MDGA2: variants seen among roughly 807,000 people sequenced by gnomAD.
The protein encoded by MDGA2 is MAM domain containing glycosylphosphatidylinositol anchor 2.
MDGA2 carries 40 observed loss-of-function variants against 117.8 expected under a neutral mutation model. The ratio of observed to expected loss-of-function variants is 0.34; its 90% CI spans 0.26 to 0.44. The LOEUF is 0.44. MDGA2 is among the 20% of genes least tolerant of loss of function. MDGA2 has a pLI of 1.00. For missense variants in MDGA2, 1,123 were observed against 1,250.6 expected (o/e 0.90, Z 1.54); for synonymous variants, 452 against 439.0 (o/e 1.03, Z -0.37).
chr14:47,211,484 C>A (rs1157060357), intron 3 of MDGA2, among the ~76,000 whole-genome samples: 1 of 152,086 alleles, frequency 6.6e-6, no homozygotes, highest in Non-Finnish European at 1.5e-5. Context: ...GCCAGGCACA[C>A]CATTGGTTTT....
intron 3 of MDGA2, among the ~76,000 whole-genome samples, chr14:47,157,686 G>A (rs1292668143): frequency 2.0e-5 from 3 of 149,844 alleles, no homozygotes; most frequent in South Asian, 4.3e-4. Context: ...ATCCTGAATT[G>A]TAGTTCCCAT....
At chr14:46,888,510 G>A (rs777757708) in intron 10 of MDGA2, among the ~76,000 whole-genome samples, 6 of 152,002 alleles carry the variant, frequency 3.9e-5, no homozygotes, top group Admixed American at 3.9e-4. Context: ...GTACCCTAAA[G>A]TGAGACTTTT....
chr14:47,559,864 T>C (rs1158280776), intron 1 of MDGA2, among the ~76,000 whole-genome samples: 3 of 151,488 alleles, frequency 2.0e-5, no homozygotes, highest in Non-Finnish European at 4.4e-5. Context: ...TGAGCCACCA[T>C]GCCCAGCCAA....
intron 6 of MDGA2, among the ~76,000 whole-genome samples, chr14:47,076,518 C>G (rs965700524): frequency 3.3e-5 from 5 of 150,366 alleles, no homozygotes; most frequent in Non-Finnish European, 5.9e-5. Flanking sequence ...CGATGTATTT[C>G]AATATATGTG....
chr14:46,977,100 G>A (rs921455040), intron 8 of MDGA2, among the ~76,000 whole-genome samples: 3 of 151,638 alleles, frequency 2.0e-5, no homozygotes, highest in Admixed American at 6.6e-5. Flanking sequence ...GATATTTACA[G>A]TTATGCTTCA....
intron 1 of MDGA2, among the ~76,000 whole-genome samples, chr14:47,323,183 T>C (rs1890038557): frequency 1.2e-5 from 1 of 86,102 alleles, no homozygotes; most frequent in Admixed American, 1.4e-4. Flanking sequence ...TATATATATA[T>C]ATATATATAT....
chr14:47,660,608 A>G (rs115620054), intron 1 of MDGA2, among the ~76,000 whole-genome samples: 6,914 of 152,232 alleles, frequency 0.045, 145 homozygotes, highest in Middle Eastern at 0.068. Flanking sequence ...TCCTCAATTA[A>G]CTCTGCGCGA....
chr14:47,185,525 C>G (rs1346768402), intron 3 of MDGA2, among the ~76,000 whole-genome samples: 1 of 151,036 alleles, frequency 6.6e-6, no homozygotes, highest in Non-Finnish European at 1.5e-5. Flanking sequence ...AAAATTGACT[C>G]GAGAGGGAAC....
intron 2 of MDGA2, among the ~76,000 whole-genome samples, chr14:47,295,884 G>A (rs959604071): frequency 5.3e-5 from 8 of 151,934 alleles, no homozygotes; most frequent in African/African-American, 1.7e-4. Flanking sequence ...AAGCCTGGAC[G>A]ACAGAGTGAG....
intron 8 of MDGA2, among the ~76,000 whole-genome samples, chr14:47,024,122 G>C (rs1036300690): frequency 5.9e-5 from 9 of 152,144 alleles, no homozygotes; most frequent in Admixed American, 1.3e-4. Flanking sequence ...TGAGTAGATA[G>C]GGATACATCA....
chr14:47,341,740 T>C (rs901223833), intron 1 of MDGA2, among the ~76,000 whole-genome samples: 1 of 152,212 alleles, frequency 6.6e-6, no homozygotes, highest in Non-Finnish European at 1.5e-5. Context: ...CTGTGTTATT[T>C]TGGCGGCAGC....
At chr14:47,567,303 G>A (rs1895937858) in intron 1 of MDGA2, among the ~76,000 whole-genome samples, 1 of 152,122 alleles carries the variant, frequency 6.6e-6, no homozygotes, top group African/African-American at 2.4e-5. Flanking sequence ...GTGACAAAAA[G>A]TATCTGTAAT....
chr14:46,882,632 G>T (rs535732521), intron 10 of MDGA2, among the ~76,000 whole-genome samples: 3 of 150,900 alleles, frequency 2.0e-5, no homozygotes, highest in Non-Finnish European at 4.4e-5. Context: ...CATATATTAT[G>T]GGCATTAAAA....
intron 1 of MDGA2, among the ~76,000 whole-genome samples, chr14:47,441,209 G>A (rs1893004435): frequency 6.6e-6 from 1 of 152,086 alleles, no homozygotes; most frequent in African/African-American, 2.4e-5. Flanking sequence ...GCAGAGTCAA[G>A]GACTTCCAAA....
At chr14:47,247,964 G>C (rs552292927) in intron 2 of MDGA2, among the ~76,000 whole-genome samples, 69 of 151,564 alleles carry the variant, frequency 4.6e-4, no homozygotes, top group African/African-American at 1.6e-3. Flanking sequence ...TCCCTGCAAA[G>C]TACATGAATA....
At position 46,920,184 on chromosome 14, in the gene MDGA2, A is replaced by G. The variant is rs760034529; in HGVS notation, c.2090-24T>C. ...TCCTGAAAACAGAAAGTGTGCTTAAATTTGAATGATGACATATTGTAGTGT... is the reference window on the plus strand; with the variant it reads ...TCCTGAAAACAGAAAGTGTGCTTAAGTTTGAATGATGACATATTGTAGTGT... On this transcript the variant is annotated intron_variant, in intron 9 of 16. Transcript: ENST00000399232. 1.2e-5 allele frequency: 20 copies of G among 1,601,514 alleles called. No homozygotes were observed. The East Asian group carries it at 3.8e-4, about 31-fold the overall frequency.
chr14:47,485,535 T>G (rs1368794568), intron 1 of MDGA2, among the ~76,000 whole-genome samples: 1 of 152,130 alleles, frequency 6.6e-6, no homozygotes, highest in Non-Finnish European at 1.5e-5. Flanking sequence ...TTTGCATAAG[T>G]AAGGAGGAGC....
intron 1 of MDGA2, among the ~76,000 whole-genome samples, chr14:47,332,014 A>T (rs993203464): frequency 6.6e-6 from 1 of 152,084 alleles, no homozygotes; most frequent in South Asian, 2.1e-4. Flanking sequence ...ATATCCAGTT[A>T]TTCGCATGTC....
intron 8 of MDGA2, among the ~76,000 whole-genome samples, chr14:47,031,059 T>C (rs1415504098): frequency 1.3e-5 from 2 of 152,116 alleles, no homozygotes; most frequent in Admixed American, 6.5e-5. Flanking sequence ...GAGGCATTAA[T>C]TAGTGAGAGT....
Sources: gnomAD v4.1 joint callset for allele counts (sites outside exome capture counted in the v4.1 genomes callset) on GRCh38, gnomAD v4.1.1 for gene constraint, MANE v1.5 for transcripts, NCBI Gene and HGNC (gene_info 2026-07-23, HGNC 2026-07-21) for gene names.